KAT8: variants seen among roughly 807,000 people sequenced by gnomAD.
KAT8 encodes the protein histone acetyltransferase KAT8.
In KAT8, 40 loss-of-function variants were observed where a neutral mutation model predicts 62.9. That is an observed-to-expected ratio of 0.64 (90% CI 0.49 to 0.83). KAT8 has a LOEUF of 0.83. Ranked by LOEUF, KAT8 falls within the 40% of genes least tolerant of loss-of-function variation. KAT8 has a pLI of 0.00. For missense variants in KAT8, 387 were observed against 614.8 expected, an observed-to-expected ratio of 0.63 and a Z score of 3.92; for synonymous variants, 278 against 254.5, an observed-to-expected ratio of 1.09 and a Z score of -0.88.
At chr16:31,123,260 A>T (rs1460419410) in intron 3 of KAT8, among the ~76,000 whole-genome samples, 1 of 152,168 alleles carries the variant, frequency 6.6e-6, no homozygotes, top group African/African-American at 2.4e-5. Context: ...TCTGTTAACC[A>T]GGCTGGAGTG....
chr16:31,129,979 C>CT (rs1199997857), intron 6 of KAT8, 38 bp from the exon 7 acceptor site: 1 of 1,611,038 alleles, frequency 6.2e-7, no homozygotes, highest in Non-Finnish European at 8.5e-7. Context: ...GGGCCTGTGC[C>CT]TGCCCCCTGA....
At chr16:31,119,084 A>C (rs1465785361) in intron 1 of KAT8, among the ~76,000 whole-genome samples, 3 of 152,122 alleles carry the variant, frequency 2.0e-5, no homozygotes, top group African/African-American at 7.2e-5. Flanking sequence ...ACTGAGGCTC[A>C]GAAAGATGGA....
In KAT8 at chr16:31,120,349, G is replaced by T; in HGVS notation, c.297G>T (p.Arg99=). The change falls in exon 3 of 11, where the codon CGG becomes CGT. Residue 99 remains arginine (R), a synonymous_variant. Coordinates refer to ENST00000219797, the MANE Select transcript of KAT8 (RefSeq NM_032188.3). ...FYVHYVGFNR[R]LDEWVDKNRL... Reference sequence around the variant, plus strand: ...GGCCCATACTTACAGTTAACCGGCGGCTGGACGAGTGGGTAGACAAGAACC... The same window carrying T: ...GGCCCATACTTACAGTTAACCGGCGTCTGGACGAGTGGGTAGACAAGAACC... 6.2e-7 allele frequency: 1 copy of T among 1,613,946 alleles called. No individual in the cohort carries two copies. The highest frequency in any genetic ancestry group is 8.5e-7 in the Non-Finnish European group (1 of 1,179,798).
At position 31,127,241 on chromosome 16, in the gene KAT8, A is replaced by G. The variant is rs1447078821; in HGVS notation, c.569A>G (p.Asp190Gly). The change falls in exon 5 of 11, where the codon GAT becomes GGT. Residue 190 changes from aspartate to glycine, a missense_variant. Physicochemically the swap from Asp to Gly is moderately conservative, Grantham distance 94. Transcript: ENST00000219797. The stretch of plus-strand genomic sequence containing the variant: ...ATCCACATCGGGAACTACGAAATTG[A>G]TGCCTGGTATTTCTCACCATTCCCC... ...DKIHIGNYEI[D>G]AWYFSPFPED... The G allele has an allele frequency of 6.2e-7, 1 of 1,614,238 alleles. No individual in the cohort carries two copies.
At position 31,130,908 on chromosome 16, in the gene KAT8, G is replaced by C. The variant is rs758951841; in HGVS notation, c.1312+8G>C. ...AGAAACCACCCATCACAGGTGGGTG[G>C]GGGGCTGCTGTGTGTCGGGGGCGGT... On this transcript the variant is annotated splice_region_variant and intron_variant, in intron 10 of 10. Coordinates refer to ENST00000219797, the MANE Select transcript of KAT8 (RefSeq NM_032188.3). The C allele has an allele frequency of 6.2e-7, 1 of 1,610,812 alleles. No homozygotes were observed. Among genetic ancestry groups the C allele is most frequent in the Non-Finnish European group, 8.5e-7 (1 of 1,179,386 alleles).
Position 31,117,879 on chromosome 16 carries a change from G to C in KAT8, c.198G>C (p.Pro66=). The C allele has an allele frequency of 1.4e-6, 2 of 1,389,314 alleles. No individual in the cohort carries two copies. Among genetic ancestry groups the C allele is most frequent in the South Asian group, 1.5e-5 (1 of 65,076 alleles). 86.1% of individuals were successfully genotyped at this position (1,389,314 alleles called of 1,614,324 possible). ...GAGAAACGTACCTGTGCCGGCGACCGGATAGCACCTGGCGTGAGGGCGGGG... is the reference window on the plus strand; with the variant it reads ...GAGAAACGTACCTGTGCCGGCGACCCGATAGCACCTGGCGTGAGGGCGGGG... ...EIGETYLCRR[P]DSTWHSAEVI... is the part of the protein sequence containing the mutation. Residue 66 remains proline (P), a synonymous_variant, in exon 1 of 11, where the codon CCG becomes CCC. Transcript: ENST00000219797.
Position 31,124,835 on chromosome 16 carries a change from C to T in KAT8, c.463-2200C>T, listed in dbSNP as rs369310215. On this transcript the variant is annotated intron_variant, in intron 3 of 10. Transcript: ENST00000219797. ...TGAAGGTCAGAAGTTCAAGACCAGC[C>T]TGGCCAACATGGTGAAACCCCATCT... 6.6e-5 allele frequency among the ~76,000 whole-genome samples: 10 copies of T among 151,384 alleles called. No individual in the cohort carries two copies. The East Asian group carries it at 1.7e-3, about 26-fold the overall frequency.
intron 6 of KAT8, 121 bp from the exon 7 acceptor site, chr16:31,129,896 T>G: frequency 9.3e-7 from 1 of 1,070,784 alleles, no homozygotes; most frequent in South Asian, 1.4e-5. Context: ...CTCCTTCCAG[T>G]GTGAAATCCT....
chr16:31,124,808 T>G (rs534465888), intron 3 of KAT8, among the ~76,000 whole-genome samples: 37 of 145,312 alleles, frequency 2.5e-4, no homozygotes, highest in Admixed American at 5.5e-4. Context: ...GGGTGGATCA[T>G]CTGAAGGTCA....
chr16:31,119,249 A>C (rs1049330715), intron 1 of KAT8, among the ~76,000 whole-genome samples: 1 of 152,106 alleles, frequency 6.6e-6, no homozygotes, highest in Non-Finnish European at 1.5e-5. Flanking sequence ...TCCCGGATTC[A>C]AGCGATTCTC....
intron 5 of KAT8, 93 bp from the exon 6 acceptor site, chr16:31,127,957 G>A: frequency 1.2e-6 from 1 of 851,788 alleles, no homozygotes; most frequent in Non-Finnish European, 2.0e-6. Context: ...AAACAGAGAG[G>A]CAGAGACTTG....
chr16:31,124,868 A>G (rs1466585118), intron 3 of KAT8, among the ~76,000 whole-genome samples: 1 of 152,134 alleles, frequency 6.6e-6, no homozygotes, highest in Non-Finnish European at 1.5e-5. Context: ...TCTCTACCAA[A>G]AATACAAAAA....
At chr16:31,123,454 C>G (rs1386569484) in intron 3 of KAT8, among the ~76,000 whole-genome samples, 1 of 152,098 alleles carries the variant, frequency 6.6e-6, no homozygotes, top group Non-Finnish European at 1.5e-5. Context: ...ACTGATCCGC[C>G]TGCCTCGGCC....
intron 3 of KAT8, chr16:31,121,124 TTTG>T (rs2057490204): frequency 4.6e-5 from 7 of 151,772 alleles, no homozygotes; most frequent in Admixed American, 4.6e-4. Context: ...TGTTTTGTTT[TTTG>T]TTTTTTTTTT....
At chr16:31,121,995 C>A (rs2057497347) in intron 3 of KAT8, among the ~76,000 whole-genome samples, 3 of 152,130 alleles carry the variant, frequency 2.0e-5, no homozygotes, top group African/African-American at 7.2e-5. Flanking sequence ...AAGCGATCCT[C>A]CTGCCTTAGC....
At chr16:31,123,877 T>G (rs1208239718) in intron 3 of KAT8, 1 of 130,230 alleles carries the variant, frequency 7.7e-6, no homozygotes, top group Non-Finnish European at 1.7e-5. Context: ...GATCTAAGAT[T>G]AATTCCTCAA....
chr16:31,118,360 A>AT (rs2057466775), intron 1 of KAT8: 1 of 153,406 alleles, frequency 6.5e-6, no homozygotes, highest in African/African-American at 2.4e-5. Flanking sequence ...GGTGGCATTC[A>AT]TTTTTGTGAC....
intron 1 of KAT8, among the ~76,000 whole-genome samples, chr16:31,119,035 C>T (rs1380246895): frequency 6.6e-6 from 1 of 152,146 alleles, no homozygotes; most frequent in Non-Finnish European, 1.5e-5. Flanking sequence ...TGGCATGAGC[C>T]ACTGTGCCCA....
At chr16:31,123,208 T>C (rs965688138) in intron 3 of KAT8, among the ~76,000 whole-genome samples, 5 of 152,290 alleles carry the variant, frequency 3.3e-5, no homozygotes, top group South Asian at 2.1e-4. Context: ...TTATCATTTT[T>C]TAAAAAAATT....
Sources: allele counts gnomAD v4.1 joint callset (sites outside exome capture counted in the v4.1 genomes callset), GRCh38; gene constraint gnomAD v4.1.1; transcripts MANE v1.5; gene names NCBI Gene and HGNC (gene_info 2026-07-23, HGNC 2026-07-21).